Variants in PSMD11 observed in about 807,000 individuals in gnomAD.
The protein encoded by PSMD11 is 26S proteasome non-ATPase regulatory subunit 11.
PSMD11 carries 5 observed loss-of-function variants against 62.3 expected under a neutral mutation model. That is an observed-to-expected ratio of 0.08 (90% confidence interval 0.04 to 0.17). PSMD11 has a LOEUF of 0.17. Ranked by LOEUF, PSMD11 falls within the 10% of genes least tolerant of loss-of-function variation. The pLI is 1.00. For missense variants in PSMD11, 310 were observed against 512.9 expected, an observed-to-expected ratio of 0.60 and a Z score of 3.82; for synonymous variants, 191 against 191.8, an observed-to-expected ratio of 1.00 and a Z score of 0.03.
At chr17:32,449,287 C>A (rs1414996476) in intron 2 of PSMD11, among the ~76,000 whole-genome samples, 3 of 152,064 alleles carry the variant, frequency 2.0e-5, no homozygotes, top group Non-Finnish European at 4.4e-5. Context: ...TGCCTGTAGT[C>A]CCAGCTACTC....
Position 32,480,130 on chromosome 17 carries a change from T to C in PSMD11, c.1075-16T>C, listed in dbSNP as rs1908445529. The C allele has an allele frequency of 6.2e-7, 1 of 1,611,754 alleles. No homozygotes were observed. The highest frequency in any genetic ancestry group is 8.5e-7 in the Non-Finnish European group (1 of 1,177,814). On this transcript the variant is annotated splice_polypyrimidine_tract_variant and intron_variant, in intron 11 of 13. Transcript: ENST00000261712. ...TAGTGGATACTGGTCCCTTTAATCA[T>C]GTGCTTTGATTTTAGGCCGACGTGG...
chr17:32,482,944 T>C lies in PSMD11; in HGVS notation c.*2192T>C, dbSNP rs1908549110. 6.6e-6 allele frequency: 1 copy of C among 152,258 alleles called. No homozygotes were observed. The allele number at this position is 152,258 out of a possible 1,614,324, so 9.4% of individuals were successfully genotyped here. On this transcript the variant is annotated 3_prime_UTR_variant, in exon 14 of 14. Coordinates refer to ENST00000261712, the MANE Select transcript of PSMD11 (RefSeq NM_002815.4). ...ATTTCACTTGCAGAAAGAGCTTTGC[T>C]TCTATAAAGGACTTTAAAAAGTACT...
intron 6 of PSMD11, among the ~76,000 whole-genome samples, chr17:32,470,644 A>T (rs1194916097): frequency 6.6e-6 from 1 of 152,240 alleles, no homozygotes; most frequent in Non-Finnish European, 1.5e-5. Flanking sequence ...GAGTGCTGAT[A>T]TGGCCCCTGT....
In PSMD11 at chr17:32,445,208, A is replaced by T. The variant is rs117805445; in HGVS notation, c.91+594A>T. On this transcript the variant is annotated intron_variant, in intron 1 of 13. Transcript: ENST00000261712. ...AATGTGGGAAATTCAGGGGTGACAC[A>T]CACCTCAGATTGGCATTTGGTTTGT... 3.4e-3 allele frequency: 526 copies of T among 156,104 alleles called. 4 individuals carry two copies. The highest frequency in any genetic ancestry group is 5.4e-3 in the Admixed American group (83 of 15,344). The allele number at this position is 156,104 out of a possible 1,614,324, so 9.7% of individuals were successfully genotyped here. A position where few individuals can be genotyped will look rare whatever the true frequency, so the allele number is the denominator to read the frequency against.
rs1907351308 is a variant in PSMD11 at position 32,446,968 on chromosome 17, G to C, written c.115G>C (p.Asp39His). ...AGTGAAGCGTGACATTCAGGAAAACGATGAAGAGGCAGTGCAAGTCAAAGA... is the reference window on the plus strand; with the variant it reads ...AGTGAAGCGTGACATTCAGGAAAACCATGAAGAGGCAGTGCAAGTCAAAGA... ...SIVKRDIQEN[D>H]EEAVQVKEQS... Residue 39 changes from aspartate to histidine, a missense_variant, in exon 2 of 14, where the codon GAT (aspartate) becomes CAT (histidine). By Grantham distance (81) the Asp-to-His change is moderately conservative. Coordinates refer to ENST00000261712, the MANE Select transcript of PSMD11 (RefSeq NM_002815.4). 6.2e-7 allele frequency: 1 copy of C among 1,611,810 alleles called. No homozygotes were observed. Among genetic ancestry groups the C allele is most frequent in the Non-Finnish European group, 8.5e-7 (1 of 1,179,114 alleles).
At chr17:32,468,863 GGGTCTAGAGGTAACC>G in intron 5 of PSMD11, 121 bp from the exon 6 acceptor site, 1 of 648,814 alleles carries the variant, frequency 1.5e-6, no homozygotes, top group Non-Finnish European at 2.3e-6. Context: ...TTATTGCATG[GGGTCTAGAGGTAACC>G]TTTTTTGAGT....
At chr17:32,455,768 A>C (rs1907630839) in intron 3 of PSMD11, among the ~76,000 whole-genome samples, 1 of 152,202 alleles carries the variant, frequency 6.6e-6, no homozygotes, top group Non-Finnish European at 1.5e-5. Flanking sequence ...TTTTGAATTA[A>C]AGTGTCAGTT....
At chr17:32,447,591 A>G (rs1907367527) in intron 2 of PSMD11, among the ~76,000 whole-genome samples, 3 of 152,250 alleles carry the variant, frequency 2.0e-5, no homozygotes, top group Admixed American at 2.0e-4. Context: ...TAGATTTGAC[A>G]TAATATTCTG....
In PSMD11 at chr17:32,483,121, C is replaced by A. The variant is rs1177083351; in HGVS notation, c.*2369C>A. ...ACCCGTGCTGTCCAATATGTAGCCGCTAGCCATGTGCAGCTGTCAGGCCCT... is the reference window on the plus strand; with the variant it reads ...ACCCGTGCTGTCCAATATGTAGCCGATAGCCATGTGCAGCTGTCAGGCCCT... On this transcript the variant is annotated 3_prime_UTR_variant, in exon 14 of 14. Coordinates refer to ENST00000261712, the MANE Select transcript of PSMD11 (RefSeq NM_002815.4). 1 of 152,192 alleles carries A rather than the reference C, an allele frequency of 6.6e-6. No homozygotes were observed. The highest frequency in any genetic ancestry group is 1.5e-5 in the Non-Finnish European group (1 of 68,060). The allele number at this position is 152,192 out of a possible 1,614,324, so 9.4% of individuals were successfully genotyped here.
chr17:32,479,669 T>C lies in PSMD11; in HGVS notation c.1039-182T>C, dbSNP rs1014950141. The stretch of plus-strand genomic sequence containing the variant: ...TGGGTGTGTGGGATAAGAGTCTGTT[T>C]ATTGTGTGTAGCAGTGAAGGGCAGG... On this transcript the variant is annotated intron_variant, in intron 10 of 13. Coordinates refer to ENST00000261712, the MANE Select transcript of PSMD11 (RefSeq NM_002815.4). 9.5e-6 allele frequency: 7 copies of C among 738,310 alleles called. No homozygotes were observed. The African/African-American group carries it at 1.1e-4, about 11-fold the overall frequency. The allele number at this position is 738,310 out of a possible 1,614,324, so 45.7% of individuals were successfully genotyped here.
At chr17:32,463,985 A>C in intron 3 of PSMD11, 64 bp from the exon 4 acceptor site, 2 of 1,468,278 alleles carry the variant, frequency 1.4e-6, no homozygotes, top group Non-Finnish European at 1.9e-6. Flanking sequence ...CTGTTCTCCA[A>C]AGCATGGTTT....
chr17:32,446,342 C>A (rs1293927174), intron 1 of PSMD11, among the ~76,000 whole-genome samples: 1 of 152,164 alleles, frequency 6.6e-6, no homozygotes, highest in African/African-American at 2.4e-5. Context: ...GACCTCAATG[C>A]ATTAAAAAGC....
At chr17:32,466,495 G>C (rs1320174364) in intron 5 of PSMD11, among the ~76,000 whole-genome samples, 1 of 152,178 alleles carries the variant, frequency 6.6e-6, no homozygotes, top group Non-Finnish European at 1.5e-5. Flanking sequence ...GCATGTGTCA[G>C]TACTTCATTC....
Position 32,454,639 on chromosome 17 carries a change from G to A in PSMD11, c.318+20G>A. 1.2e-6 allele frequency: 2 copies of A among 1,609,248 alleles called. No homozygotes were observed. Among genetic ancestry groups the A allele is most frequent in the African/African-American group, 2.7e-5 (2 of 74,790 alleles). On this transcript the variant is annotated intron_variant, in intron 3 of 13. Transcript: ENST00000261712. ...CAGGAGGTAAGTGATATTAATGACA[G>A]AAAGTAGACAATATGGAGAAAAGTT...
At chr17:32,456,686 C>T (rs1457075902) in intron 3 of PSMD11, among the ~76,000 whole-genome samples, 14 of 152,226 alleles carry the variant, frequency 9.2e-5, no homozygotes, top group African/African-American at 2.4e-4. Flanking sequence ...CCCGCCACCA[C>T]GCCTGGCTAA....
intron 2 of PSMD11, among the ~76,000 whole-genome samples, chr17:32,451,936 C>T (rs1244100248): frequency 6.6e-6 from 1 of 152,076 alleles, no homozygotes; most frequent in African/African-American, 2.4e-5. Context: ...CGCCATATTG[C>T]CCAGGCTGGT....
chr17:32,458,636 A>G (rs1273416011), intron 3 of PSMD11, among the ~76,000 whole-genome samples: 1 of 152,220 alleles, frequency 6.6e-6, no homozygotes, highest in African/African-American at 2.4e-5. Flanking sequence ...TGTGCCTTGC[A>G]GTACCACAGA....
rs760829093 is a variant in PSMD11 at position 32,480,119 on chromosome 17, C to T, written c.1075-27C>T. ...TGATCTCTGACTAGTGGATACTGGT[C>T]CCTTTAATCATGTGCTTTGATTTTA... On this transcript the variant is annotated intron_variant, in intron 11 of 13. Transcript: ENST00000261712. 5 of 1,608,238 alleles carry T rather than the reference C, an allele frequency of 3.1e-6. No individual in the cohort carries two copies. The South Asian group carries it at 5.5e-5, about 18-fold the overall frequency.
chr17:32,465,020 A>C (rs1261666860), intron 5 of PSMD11, among the ~76,000 whole-genome samples: 1 of 152,006 alleles, frequency 6.6e-6, no homozygotes, highest in East Asian at 1.9e-4. Context: ...TATATTTGGA[A>C]GCTGGAGTGG....
Sources: allele counts gnomAD v4.1 joint callset (sites outside exome capture counted in the v4.1 genomes callset), GRCh38; gene constraint gnomAD v4.1.1; transcripts MANE v1.5; gene names NCBI Gene and HGNC (gene_info 2026-07-23, HGNC 2026-07-21).